RAP1GAP: variants seen among roughly 807,000 people sequenced by gnomAD.
RAP1GAP encodes rap1 GTPase-activating protein 1.
In RAP1GAP, 35 loss-of-function variants were observed where a neutral mutation model predicts 87.2. The ratio of observed to expected loss-of-function variants is 0.40; its 90% confidence interval spans 0.31 to 0.53. The LOEUF (loss-of-function observed/expected upper bound fraction) is 0.53, where lower values mean the gene tolerates loss of function less well. RAP1GAP is among the 20% of genes least tolerant of loss of function. RAP1GAP has a pLI of 0.48. For missense variants in RAP1GAP, 734 were observed against 898.9 expected (o/e 0.82, Z 2.35); for synonymous variants, 375 against 363.9 (o/e 1.03, Z -0.35).
At position 21,622,360 on chromosome 1, in the gene RAP1GAP, C is replaced by T; in HGVS notation, c.-18-2310G>A. 2.2e-6 allele frequency: 1 copy of T among 461,670 alleles called. No homozygotes were observed. 28.6% of individuals were successfully genotyped at this position (461,670 alleles called of 1,614,324 possible). ...TCACCTGCCAGCTGGCCCCCGCGGG[C>T]AGCGAGCCCCTCCGCGGACGGCCGG... On this transcript the variant is annotated intron_variant, in intron 3 of 24. Transcript: ENST00000374765. The surrounding 1 kb of genome is among the most constrained non-coding windows in gnomAD (Gnocchi z 5.7).
intron 1 of RAP1GAP, among the ~76,000 whole-genome samples, chr1:21,663,289 G>A (rs2097215268): frequency 6.6e-6 from 1 of 152,224 alleles, no homozygotes; most frequent in South Asian, 2.1e-4. Context: ...AGTGGTGAAT[G>A]AGGCAAGGCT....
rs1332290280 is a variant in RAP1GAP, at chr1:21,613,875, TCCCTGCCC to T, written c.395+103_395+110del. ...AACTTGCTGTGCAACCTCAAGCAAATCCCTGCCCCTCTATGGGCCTTGATGAAGAGAGT... is the reference window on the plus strand; with the variant it reads ...AACTTGCTGTGCAACCTCAAGCAAATCTCTATGGGCCTTGATGAAGAGAGT... On this transcript the variant is annotated intron_variant, in intron 8 of 24. Coordinates refer to ENST00000374765, the MANE Select transcript of RAP1GAP (RefSeq NM_002885.4). The surrounding 1 kb of genome is among the most constrained non-coding windows in gnomAD (Gnocchi z 4.7). The T allele has an allele frequency of 2.8e-5, 33 of 1,185,178 alleles. No homozygotes were observed. In the East Asian group the frequency reaches 7.8e-4, roughly 28 times the overall value. 73.4% of individuals were successfully genotyped at this position (1,185,178 alleles called of 1,614,324 possible). A position where few individuals can be genotyped will look rare whatever the true frequency, so the allele number is the denominator to read the frequency against.
intron 3 of RAP1GAP, among the ~76,000 whole-genome samples, chr1:21,621,389 C>T (rs752378578): frequency 8.5e-5 from 13 of 152,242 alleles, no homozygotes; most frequent in South Asian, 6.2e-4. Flanking sequence ...ATGAGGGCCA[C>T]GGTCTAAACC....
rs1174587320 is a variant in RAP1GAP, at chr1:21,603,910, T to A, written c.1429-997A>T. 2 of 1,539,294 alleles carry A rather than the reference T, an allele frequency of 1.3e-6. No individual in the cohort carries two copies. Among genetic ancestry groups the A allele is most frequent in the African/African-American group, 2.7e-5 (2 of 72,842 alleles). ...TCGCACTTTTCCCAGGAATAAGCAA[T>A]GACTGGCAAGCAGCAGAGGGCGGGG... On this transcript the variant is annotated intron_variant, in intron 18 of 24. Coordinates refer to ENST00000374765, the MANE Select transcript of RAP1GAP (RefSeq NM_002885.4). The surrounding 1 kb of genome is among the most constrained non-coding windows in gnomAD (Gnocchi z 6.0).
intron 1 of RAP1GAP, among the ~76,000 whole-genome samples, chr1:21,657,048 G>A (rs1432776544): frequency 6.6e-6 from 1 of 152,230 alleles, no homozygotes; most frequent in African/African-American, 2.4e-5. Context: ...AAGGTCTCTG[G>A]TAGACCTGTG....
At chr1:21,604,246 G>A (rs896113488) in intron 18 of RAP1GAP, among the ~76,000 whole-genome samples, 1 of 151,962 alleles carries the variant, frequency 6.6e-6, no homozygotes, top group Non-Finnish European at 1.5e-5. Context: ...CACAGACACA[G>A]GCCCAGGGAG....
chr1:21,602,983 G>T, intron 18 of RAP1GAP, 70 bp from the exon 19 acceptor site: 1 of 1,185,742 alleles, frequency 8.4e-7, no homozygotes, highest in Non-Finnish European at 1.2e-6. Context: ...CATCCCCTCT[G>T]GGGATCCTGC....
rs1005608921 is a variant in RAP1GAP at position 21,615,655 on chromosome 1, G to A, written c.292-1566C>T. On this transcript the variant is annotated intron_variant, in intron 7 of 24. Transcript: ENST00000374765. This position sits in a 1 kb window ranked among gnomAD's most constrained non-coding sequence, Gnocchi z 4.5. ...GATCTGCCCACCTCGGCCTCCCAAA[G>A]TGCTGGGATTACAGGTATAAGCCAG... Among the ~76,000 whole-genome samples, 51 of 152,206 alleles carry A rather than the reference G, an allele frequency of 3.4e-4. No homozygotes were observed. The highest frequency in any genetic ancestry group is 1.2e-3 in the African/African-American group (51 of 41,518).
At chr1:21,644,672 G>A (rs139450399) in intron 2 of RAP1GAP, among the ~76,000 whole-genome samples, 1,635 of 152,198 alleles carry the variant, frequency 0.011, 27 homozygotes, top group African/African-American at 0.037. Flanking sequence ...GGCCAAGGCA[G>A]GAGGATCACA....
At chr1:21,645,158 T>C (rs904751936) in intron 2 of RAP1GAP, among the ~76,000 whole-genome samples, 1 of 152,200 alleles carries the variant, frequency 6.6e-6, no homozygotes, top group African/African-American at 2.4e-5. Context: ...CAGTGGTTAC[T>C]GTGGCTGGAT....
intron 14 of RAP1GAP, 52 bp downstream of exon 14, chr1:21,610,068 G>A: frequency 6.3e-7 from 1 of 1,592,046 alleles, no homozygotes; most frequent in Non-Finnish European, 8.6e-7. Context: ...GGAGGGCAGA[G>A]CTGCAGCCAG....
chr1:21,615,681 G>A lies in RAP1GAP; in HGVS notation c.292-1592C>T, dbSNP rs973352094. On this transcript the variant is annotated intron_variant, in intron 7 of 24. Coordinates refer to ENST00000374765, the MANE Select transcript of RAP1GAP (RefSeq NM_002885.4). The surrounding 1 kb of genome is among the most constrained non-coding windows in gnomAD (Gnocchi z 4.5). ...TGCTGGGATTACAGGTATAAGCCAG[G>A]GCGCCCAGCTGCCTCTTCTGACCCT... Among the ~76,000 whole-genome samples, 2 of 152,012 alleles carry A rather than the reference G, an allele frequency of 1.3e-5. No individual in the cohort carries two copies. Among genetic ancestry groups the A allele is most frequent in the Admixed American group, 6.6e-5 (1 of 15,256 alleles).
intron 2 of RAP1GAP, among the ~76,000 whole-genome samples, chr1:21,647,804 G>A (rs1390315005): frequency 6.6e-6 from 1 of 152,202 alleles, no homozygotes; most frequent in Non-Finnish European, 1.5e-5. Flanking sequence ...TGGGGATCAA[G>A]AAAGAAAACA....
chr1:21,651,966 G>GC, intron 1 of RAP1GAP: 1 of 615,436 alleles, frequency 1.6e-6, no homozygotes, highest in Non-Finnish European at 2.0e-6. Context: ...CGGTCCAGCT[G>GC]CCGGGGGCCG....
intron 20 of RAP1GAP, 135 bp from the exon 21 acceptor site, chr1:21,599,752 C>A: frequency 4.0e-6 from 5 of 1,246,132 alleles, no homozygotes; most frequent in Non-Finnish European, 5.4e-6. Context: ...CCTTACAGAT[C>A]CTTGGGCCTC....
chr1:21,601,524 G>A (rs2068507522), intron 20 of RAP1GAP, among the ~76,000 whole-genome samples, 160 bp downstream of exon 20: 1 of 152,252 alleles, frequency 6.6e-6, no homozygotes, highest in Non-Finnish European at 1.5e-5. Context: ...AGTGCTCGCT[G>A]GGTATATGTC....
Position 21,622,046 on chromosome 1 carries a change from C to T in RAP1GAP, c.-18-1996G>A, listed in dbSNP as rs1349276954. On this transcript the variant is annotated intron_variant, in intron 3 of 24. Coordinates refer to ENST00000374765, the MANE Select transcript of RAP1GAP (RefSeq NM_002885.4). This position sits in a 1 kb window ranked among gnomAD's most constrained non-coding sequence, Gnocchi z 5.7. ...CCTGGAGCATTCAGAGCCCCCCAAA[C>T]GGGGCAGGGGCAGGGTAAAGTGGTC... Among the ~76,000 whole-genome samples, 1 of 152,162 alleles carries T rather than the reference C, an allele frequency of 6.6e-6. No homozygotes were observed. Among genetic ancestry groups the T allele is most frequent in the Non-Finnish European group, 1.5e-5 (1 of 68,020 alleles).
chr1:21,651,765 G>GCGCCA (rs1458587986), intron 1 of RAP1GAP: 6 of 1,419,040 alleles, frequency 4.2e-6, no homozygotes, highest in East Asian at 5.7e-5. Flanking sequence ...GCCCCGCGCC[G>GCGCCA]CGCCACGCCC....
intron 10 of RAP1GAP, among the ~76,000 whole-genome samples, chr1:21,612,403 C>T (rs890678102): frequency 1.3e-5 from 2 of 152,078 alleles, no homozygotes; most frequent in Admixed American, 6.5e-5. Context: ...CTGTGAGCCC[C>T]AGTCCTGCCA....
Sources: allele counts gnomAD v4.1 joint callset (sites outside exome capture counted in the v4.1 genomes callset), GRCh38; gene constraint gnomAD v4.1.1; non-coding constraint Gnocchi (gnomAD v3.1); transcripts MANE v1.5; gene names NCBI Gene and HGNC (gene_info 2026-07-23, HGNC 2026-07-21).